Variants in CEP295 observed in about 807,000 individuals in gnomAD.
CEP295 encodes the protein centrosomal protein of 295 kDa.
Under a neutral mutation model 291.6 loss-of-function variants are expected in CEP295, and 190 were observed. The ratio of observed to expected loss-of-function variants is 0.65; its 90% CI spans 0.58 to 0.73. The LOEUF (loss-of-function observed/expected upper bound fraction) is 0.73, where lower values mean the gene tolerates loss of function less well. CEP295 is among the 30% of genes least tolerant of loss of function. CEP295 has a pLI of 0.00. For missense variants in CEP295, 2,863 were observed against 2,949.4 expected, an observed-to-expected ratio of 0.97 and a Z score of 0.68; for synonymous variants, 993 against 1,038.8, an observed-to-expected ratio of 0.96 and a Z score of 0.85.
Position 93,727,572 on chromosome 11 carries a change from C to G in CEP295, c.7096C>G (p.Leu2366Val). The change falls in exon 24 of 30, where the codon CTA becomes GTA. Residue 2366 changes from leucine (L) to valine (V), a missense_variant. Leu to Val is a conservative substitution (Grantham distance 32). Coordinates refer to ENST00000325212, the MANE Select transcript of CEP295 (RefSeq NM_033395.2). ...AAAAATCACCAAAAAACTATCTCAA[C>G]TAGGAGAATCAGAGCTTTTTGCAAG... ...IPKITKKLSQ[L>V]GESELFASSG... 6.4e-7 allele frequency: 1 copy of G among 1,551,160 alleles called. No individual in the cohort carries two copies. The highest frequency in any genetic ancestry group is 8.7e-7 in the Non-Finnish European group (1 of 1,146,832).
chr11:93,677,489 C>G (rs538507674), intron 6 of CEP295, among the ~76,000 whole-genome samples: 3 of 152,148 alleles, frequency 2.0e-5, no homozygotes, highest in Admixed American at 1.3e-4. Flanking sequence ...GTCCTACTTA[C>G]AGCCAGTAAT....
At chr11:93,672,603 TC>T (rs1950504269) in intron 5 of CEP295, among the ~76,000 whole-genome samples, 1 of 152,090 alleles carries the variant, frequency 6.6e-6, no homozygotes, top group African/African-American at 2.4e-5. Context: ...TTTCTTCTTT[TC>T]CATTGCTGCA....
At chr11:93,727,890 T>C in intron 24 of CEP295, 1 of 342,318 alleles carries the variant, frequency 2.9e-6, no homozygotes, top group East Asian at 4.9e-5. Flanking sequence ...TCACTAGAAA[T>C]ATCCAGCATA....
At chr11:93,690,684 C>T (rs768344344) in intron 10 of CEP295, among the ~76,000 whole-genome samples, 6 of 133,042 alleles carry the variant, frequency 4.5e-5, no homozygotes, top group Non-Finnish European at 6.1e-5. Context: ...GAGCTGAGAT[C>T]GCACCACTGC....
At chr11:93,722,959 C>T (rs186239797) in intron 20 of CEP295, 82 bp from the exon 21 acceptor site, 8 of 1,113,204 alleles carry the variant, frequency 7.2e-6, no homozygotes, top group East Asian at 5.3e-5. Context: ...CCACCCACCT[C>T]GGCCTCCCAA....
intron 10 of CEP295, among the ~76,000 whole-genome samples, chr11:93,688,088 A>G (rs1199122678): frequency 1.3e-5 from 2 of 152,174 alleles, no homozygotes; most frequent in East Asian, 3.9e-4. Flanking sequence ...TAATCAATGA[A>G]TCAAAATTAA....
intron 18 of CEP295, among the ~76,000 whole-genome samples, chr11:93,718,331 C>T (rs1490842610): frequency 2.6e-5 from 4 of 152,236 alleles, no homozygotes; most frequent in Non-Finnish European, 5.9e-5. Context: ...GTACTGTCTG[C>T]CCTTGTAGGA....
chr11:93,675,548 T>A (rs1478328561), intron 5 of CEP295, 23 bp from the exon 6 acceptor site: 1 of 1,306,640 alleles, frequency 7.7e-7, no homozygotes, highest in Non-Finnish European at 1.0e-6. Flanking sequence ...TTTTAACCTA[T>A]TTTTTTATGT....
In CEP295 at chr11:93,697,692, A is replaced by G; in HGVS notation, c.2780A>G (p.His927Arg). 1 of 1,551,776 alleles carries G rather than the reference A, an allele frequency of 6.4e-7. No individual in the cohort carries two copies. Among genetic ancestry groups the G allele is most frequent in the East Asian group, 2.4e-5 (1 of 40,916 alleles). The change falls in exon 15 of 30, where the codon CAT (histidine) becomes CGT (arginine). Residue 927 changes from histidine to arginine, a missense_variant. His to Arg is a conservative substitution (Grantham distance 29). Coordinates refer to ENST00000325212, the MANE Select transcript of CEP295 (RefSeq NM_033395.2). Reference protein sequence around the residue: ...KNNIAVSSDHHVISQLQDKRL... With the variant: ...KNNIAVSSDHRVISQLQDKRL... The stretch of plus-strand genomic sequence containing the variant: ...AATATTGCAGTTTCCTCAGACCATC[A>G]TGTGATCTCACAACTTCAGGATAAG...
chr11:93,697,245 A>C lies in CEP295; in HGVS notation c.2333A>C (p.Tyr778Ser). The C allele has an allele frequency of 6.4e-7, 1 of 1,551,740 alleles. No homozygotes were observed. The change falls in exon 15 of 30, where the codon TAC becomes TCC. Residue 778 changes from tyrosine (Y) to serine (S), a missense_variant. By Grantham distance (144) the Tyr-to-Ser change is moderately radical (BLOSUM62 -2). Transcript: ENST00000325212. ...LFSENSENIS[Y>S]HLTEPSSFVP... ...TCAGAGAATAGTGAAAATATATCTT[A>C]CCATTTAACTGAACCTTCTTCATTT...
At position 93,729,895 on chromosome 11, in the gene CEP295, C is replaced by T. The variant is rs375798486; in HGVS notation, c.7593C>T (p.Gly2531=). The change falls in exon 28 of 30, where the codon GGC becomes GGT. Residue 2531 remains glycine, a synonymous_variant. Transcript: ENST00000325212. Reference sequence around the variant, plus strand: ...GTTCATCTGTGAGTCGTCTAAAGGGCGTGAATAAAGTCAGAGCATCTTTTC... The same window carrying T: ...GTTCATCTGTGAGTCGTCTAAAGGGTGTGAATAAAGTCAGAGCATCTTTTC... The part of the protein sequence containing the change: ...SISSSVSRLK[G]VNKVRASFPE... 81 of 1,549,420 alleles carry T rather than the reference C, an allele frequency of 5.2e-5. No individual in the cohort carries two copies. The highest frequency in any genetic ancestry group is 7.0e-5 in the Non-Finnish European group (80 of 1,146,530).
intron 10 of CEP295, 118 bp downstream of exon 10, chr11:93,687,983 T>A: frequency 3.3e-6 from 2 of 606,816 alleles, no homozygotes; most frequent in Non-Finnish European, 5.4e-6. Flanking sequence ...TCCTGCTAAT[T>A]AAAAGCAACA....
chr11:93,696,273 C>T (rs2135092147), intron 13 of CEP295, 47 bp from the exon 14 acceptor site: 1 of 1,123,072 alleles, frequency 8.9e-7, no homozygotes. Flanking sequence ...TACTTCAATA[C>T]TTACTTCTAA....
intron 18 of CEP295, among the ~76,000 whole-genome samples, chr11:93,714,374 C>A (rs536368474): frequency 6.6e-6 from 1 of 152,306 alleles, no homozygotes; most frequent in South Asian, 2.1e-4. Flanking sequence ...CCACAGCCAC[C>A]CAAGTAGCTG....
chr11:93,670,983 A>G (rs1393916138), intron 5 of CEP295, among the ~76,000 whole-genome samples: 1 of 152,078 alleles, frequency 6.6e-6, no homozygotes, highest in Non-Finnish European at 1.5e-5. Flanking sequence ...CCTGGGTTCC[A>G]GCGATCCTCC....
chr11:93,681,948 T>C (rs1950996395), intron 7 of CEP295, among the ~76,000 whole-genome samples: 1 of 152,076 alleles, frequency 6.6e-6, no homozygotes, highest in Non-Finnish European at 1.5e-5. Flanking sequence ...CTTGGAAATG[T>C]GCCTGGAATT....
rs956329551 is a variant in CEP295, at chr11:93,698,523, C to A, written c.3611C>A (p.Thr1204Asn). ...EKRISSEQTG[T>N]SSSLSQVDES... ...AGAATTTCTTCTGAACAGACTGGCACCTCCTCATCCCTTTCCCAGGTGGAT... is the reference window on the plus strand; with the variant it reads ...AGAATTTCTTCTGAACAGACTGGCAACTCCTCATCCCTTTCCCAGGTGGAT... The change falls in exon 15 of 30, where the codon ACC (threonine) becomes AAC (asparagine). Residue 1204 changes from threonine (T) to asparagine (N), a missense_variant. Thr to Asn is a moderately conservative substitution (Grantham distance 65). Around this residue, in one of 3 missense-constraint regions of CEP295, gnomAD observed 2,295 missense variants for 2,335.7 expected, o/e 0.98. Transcript: ENST00000325212. The A allele has an allele frequency of 1.9e-6, 3 of 1,551,934 alleles. No individual in the cohort carries two copies. Among genetic ancestry groups the A allele is most frequent in the Non-Finnish European group, 2.6e-6 (3 of 1,147,054 alleles).
At chr11:93,717,168 C>T (rs543142023) in intron 18 of CEP295, among the ~76,000 whole-genome samples, 76 of 152,140 alleles carry the variant, frequency 5.0e-4, no homozygotes, top group African/African-American at 1.7e-3. Flanking sequence ...TTTAATTTCC[C>T]GCCTCAGTTG....
chr11:93,675,500 T>G, intron 5 of CEP295, 71 bp from the exon 6 acceptor site: 1 of 762,010 alleles, frequency 1.3e-6, no homozygotes, highest in Non-Finnish European at 2.0e-6. Flanking sequence ...AAAATTACTT[T>G]TTTTGCATTG....
Sources: gnomAD v4.1 joint callset for allele counts (sites outside exome capture counted in the v4.1 genomes callset) on GRCh38, gnomAD v4.1.1 for gene constraint, gnomAD v4.1.1 regional missense constraint, MANE v1.5 for transcripts, NCBI Gene and HGNC (gene_info 2026-07-23, HGNC 2026-07-21) for gene names.